PIK3CA: variants seen among roughly 807,000 people sequenced by gnomAD.
PIK3CA encodes the protein phosphatidylinositol-4,5-bisphosphate 3-kinase catalytic subunit alpha.
In PIK3CA, 27 loss-of-function variants were observed where a neutral mutation model predicts 138.2. The observed-to-expected ratio is 0.20, with a 90% CI of 0.14 to 0.27. The LOEUF (loss-of-function observed/expected upper bound fraction) is 0.27, where lower values mean the gene tolerates loss of function less well. PIK3CA is among the 10% of genes least tolerant of loss of function. The probability of loss-of-function intolerance (pLI) is 1.00; values close to 1 mark genes in which losing one functional copy is unlikely to be tolerated. For missense variants in PIK3CA, 544 were observed against 1,277.4 expected (o/e 0.43, Z 8.75); for synonymous variants, 358 against 413.2 (o/e 0.87, Z 1.62).
Position 179,203,402 on chromosome 3 carries a change from T to C in PIK3CA, c.814-142T>C, listed in dbSNP as rs890611624. On this transcript the variant is annotated intron_variant, in intron 4 of 20. Transcript: ENST00000263967. ...CTAAATGTTAGTATTTTAAATGTTA[T>C]AGGAACTACTAGTAAATGTGGTCTA... 9 of 622,798 alleles carry C rather than the reference T, an allele frequency of 1.4e-5. No homozygotes were observed. The South Asian group carries it at 2.1e-4, about 14-fold the overall frequency. 38.6% of individuals were successfully genotyped at this position (622,798 alleles called of 1,614,324 possible).
chr3:179,157,580 G>A (rs1456789071), intron 1 of PIK3CA, among the ~76,000 whole-genome samples: 1 of 151,828 alleles, frequency 6.6e-6, no homozygotes, highest in Non-Finnish European at 1.5e-5. Context: ...GGTCTTTTTT[G>A]TTTGTTTGTT....
In PIK3CA at chr3:179,238,197, C is replaced by T. The variant is rs1560151985; in HGVS notation, c.*3833C>T. ...ATTGTATACCGTAAGAGAATCAACT[C>T]TTCATCATGGATGGGATTGTGAAGG... On this transcript the variant is annotated 3_prime_UTR_variant, in exon 21 of 21. Transcript: ENST00000263967. 4.5e-6 allele frequency: 1 copy of T among 221,802 alleles called. No individual in the cohort carries two copies. Among genetic ancestry groups the T allele is most frequent in the Non-Finnish European group, 9.0e-6 (1 of 110,834 alleles). 13.7% of individuals were successfully genotyped at this position (221,802 alleles called of 1,614,324 possible).
At chr3:179,151,454 A>G (rs1353648894) in intron 1 of PIK3CA, among the ~76,000 whole-genome samples, 2 of 152,154 alleles carry the variant, frequency 1.3e-5, no homozygotes, top group Non-Finnish European at 2.9e-5. Context: ...CCTTTACATC[A>G]TGAACAGTGG....
intron 1 of PIK3CA, among the ~76,000 whole-genome samples, chr3:179,196,749 C>T (rs1724274216): frequency 6.6e-6 from 1 of 152,128 alleles, no homozygotes; most frequent in Non-Finnish European, 1.5e-5. Context: ...TCAAATTAGG[C>T]CCTCTTGCTC....
chr3:179,175,890 A>G (rs766449775), intron 1 of PIK3CA, among the ~76,000 whole-genome samples: 1 of 152,158 alleles, frequency 6.6e-6, no homozygotes, highest in Non-Finnish European at 1.5e-5. Flanking sequence ...CAAATGCATG[A>G]AGATCCTCAG....
rs1725033732 is a variant in PIK3CA at position 179,224,307 on chromosome 3, C to A, written c.2294+120C>A. ...TTCAATAATTTATGCTTCTCTCTCT[C>A]ATTCTCCTACCCTCAAAATAAGAGT... On this transcript the variant is annotated intron_variant, in intron 15 of 20. Transcript: ENST00000263967. The A allele has an allele frequency of 9.0e-6, 5 of 557,616 alleles. No individual in the cohort carries two copies. The Admixed American group carries it at 1.5e-4, about 16-fold the overall frequency. The allele number at this position is 557,616 out of a possible 1,614,324, so 34.5% of individuals were successfully genotyped here.
chr3:179,152,743 A>G (rs995586974), intron 1 of PIK3CA, among the ~76,000 whole-genome samples: 1 of 152,140 alleles, frequency 6.6e-6, no homozygotes, highest in Non-Finnish European at 1.5e-5. Flanking sequence ...CACTTTGCTG[A>G]CTGTTAGCAC....
intron 1 of PIK3CA, among the ~76,000 whole-genome samples, chr3:179,160,610 T>C (rs1258087197): frequency 6.6e-6 from 1 of 152,224 alleles, no homozygotes; most frequent in Non-Finnish European, 1.5e-5. Context: ...CTCTTTGATA[T>C]ACACACGTGT....
At chr3:179,149,373 G>A (rs368474526) in intron 1 of PIK3CA, among the ~76,000 whole-genome samples, 2 of 152,248 alleles carry the variant, frequency 1.3e-5, no homozygotes, top group South Asian at 4.1e-4. Context: ...CGTTCAGCCG[G>A]CGTGTTTTTG....
intron 1 of PIK3CA, among the ~76,000 whole-genome samples, chr3:179,163,396 C>A (rs1376086885): frequency 6.6e-6 from 1 of 152,148 alleles, no homozygotes; most frequent in African/African-American, 2.4e-5. Context: ...AATGTGCCCC[C>A]TCTAGTCCAA....
In PIK3CA at chr3:179,229,335, T is replaced by C. The variant is rs1725159224; in HGVS notation, c.2559T>C (p.Asn853=). The C allele has an allele frequency of 6.2e-7, 1 of 1,613,328 alleles. No homozygotes were observed. Among genetic ancestry groups the C allele is most frequent in the Non-Finnish European group, 8.5e-7 (1 of 1,179,504 alleles). The change falls in exon 18 of 21, where the codon AAT becomes AAC. Residue 853 remains asparagine (N), a synonymous_variant. Transcript: ENST00000263967. ...DCVGLIEVVR[N]SHTIMQIQCK... Reference sequence around the variant, plus strand: ...TGGGACTTATTGAGGTGGTGCGAAATTCTCACACTATTATGCAAATTCAGT... The same window carrying C: ...TGGGACTTATTGAGGTGGTGCGAAACTCTCACACTATTATGCAAATTCAGT...
At chr3:179,210,642 G>T (rs2108402012) in intron 9 of PIK3CA, 77 bp downstream of exon 9, 7 of 1,410,684 alleles carry the variant, frequency 5.0e-6, no homozygotes, top group Non-Finnish European at 6.9e-6. Flanking sequence ...TATGGAAAAG[G>T]ATCCATATAT....
At chr3:179,150,976 A>G (rs1291721254) in intron 1 of PIK3CA, among the ~76,000 whole-genome samples, 2 of 152,230 alleles carry the variant, frequency 1.3e-5, no homozygotes, top group African/African-American at 4.8e-5. Flanking sequence ...AGTAGCATTA[A>G]AAGGATCAGT....
chr3:179,224,651 A>G (rs767795527), intron 15 of PIK3CA, 49 bp from the exon 16 acceptor site: 1 of 1,282,936 alleles, frequency 7.8e-7, no homozygotes, highest in Non-Finnish European at 1.1e-6. Flanking sequence ...TTCAGGGTAA[A>G]ATAATAATAA....
intron 1 of PIK3CA, among the ~76,000 whole-genome samples, chr3:179,191,963 A>G (rs1438601885): frequency 1.3e-5 from 2 of 152,184 alleles, no homozygotes; most frequent in East Asian, 3.8e-4. Context: ...TTTAAACATA[A>G]TACACTTTTG....
At chr3:179,171,030 A>G (rs188590046) in intron 1 of PIK3CA, among the ~76,000 whole-genome samples, 1 of 152,336 alleles carries the variant, frequency 6.6e-6, no homozygotes, top group African/African-American at 2.4e-5. Context: ...CAGGGTGAAT[A>G]GTATACTGGC....
At chr3:179,224,673 C>T (rs1199808685) in intron 15 of PIK3CA, 27 bp from the exon 16 acceptor site, 2 of 1,469,352 alleles carry the variant, frequency 1.4e-6, no homozygotes, top group African/African-American at 1.4e-5. Context: ...GCAAAGGTAC[C>T]TAGTAAAGTT....
chr3:179,218,387 TA>T, intron 10 of PIK3CA, 53 bp downstream of exon 10: 1 of 1,484,872 alleles, frequency 6.7e-7, no homozygotes, highest in Non-Finnish European at 9.2e-7. Flanking sequence ...ACAGAAAAAA[TA>T]ACTGAATTTG....
rs765436531 is a variant in PIK3CA, at chr3:179,240,021, G to A, written c.*5657G>A. On this transcript the variant is annotated 3_prime_UTR_variant, in exon 21 of 21. Transcript: ENST00000263967. ...TTACTGTTTATGCTCATCAGAAACT[G>A]TCAATGTCTGCTTTTCTTTAACTCT... is the stretch of plus-strand genomic sequence containing the variant. The A allele has an allele frequency of 1.3e-5, 20 of 1,547,078 alleles. No individual in the cohort carries two copies. In the South Asian group the frequency reaches 2.4e-4, roughly 18 times the overall value.
Sources: allele counts gnomAD v4.1 joint callset (sites outside exome capture counted in the v4.1 genomes callset), GRCh38; gene constraint gnomAD v4.1.1; transcripts MANE v1.5; gene names NCBI Gene and HGNC (gene_info 2026-07-23, HGNC 2026-07-21).